The following TMTC2 variants were observed in gnomAD, a reference collection of about 807,000 sequenced individuals.
TMTC2 encodes the protein transmembrane O-mannosyltransferase targeting cadherins 2, also known as protein O-mannosyl-transferase TMTC2.
In TMTC2, 43 loss-of-function variants were observed where a neutral mutation model predicts 82.4. The ratio of observed to expected loss-of-function variants is 0.52; its 90% CI spans 0.41 to 0.67. TMTC2 has a LOEUF of 0.67. TMTC2 is among the 30% of genes least tolerant of loss of function. TMTC2 has a pLI of 0.00. For missense variants in TMTC2, 919 were observed against 1,012.4 expected (o/e 0.91, Z 1.25); for synonymous variants, 408 against 381.9 (o/e 1.07, Z -0.80).
chr12:83,001,131 T>A (rs1879902150), intron 8 of TMTC2, among the ~76,000 whole-genome samples: 1 of 152,164 alleles, frequency 6.6e-6, no homozygotes, highest in South Asian at 2.1e-4. Flanking sequence ...AAGACATTTT[T>A]CCCATTGTCT....
At chr12:83,108,313 A>G (rs1405458335) in intron 11 of TMTC2, among the ~76,000 whole-genome samples, 1 of 152,166 alleles carries the variant, frequency 6.6e-6, no homozygotes. Flanking sequence ...ATAGACACCA[A>G]GTAAAAATGT....
chr12:82,957,057 A>C (rs1432957097), intron 4 of TMTC2, among the ~76,000 whole-genome samples: 1 of 152,154 alleles, frequency 6.6e-6, no homozygotes, highest in Admixed American at 6.6e-5. Context: ...AGAATACGCT[A>C]CCAATAAACC....
intron 1 of TMTC2, among the ~76,000 whole-genome samples, chr12:82,704,212 G>A (rs1873233683): frequency 6.6e-6 from 1 of 152,116 alleles, no homozygotes; most frequent in Non-Finnish European, 1.5e-5. Flanking sequence ...TAAAAACTAA[G>A]CAGCATCTTA....
intron 8 of TMTC2, among the ~76,000 whole-genome samples, chr12:82,990,403 G>T (rs1396105466): frequency 6.6e-6 from 1 of 152,086 alleles, no homozygotes; most frequent in Non-Finnish European, 1.5e-5. Context: ...ATTTAGAAAA[G>T]TTCAAACGGA....
At chr12:82,755,978 G>A (rs929414004) in intron 1 of TMTC2, among the ~76,000 whole-genome samples, 9 of 152,142 alleles carry the variant, frequency 5.9e-5, no homozygotes, top group Non-Finnish European at 1.0e-4. Context: ...TCAGATGCCT[G>A]TGTCTAGTTT....
At chr12:83,097,297 T>C (rs1884061887) in intron 11 of TMTC2, among the ~76,000 whole-genome samples, 1 of 152,204 alleles carries the variant, frequency 6.6e-6, no homozygotes, top group Non-Finnish European at 1.5e-5. Flanking sequence ...TTCTCAAACA[T>C]ATGCACACAC....
At chr12:83,000,951 G>T (rs1029603510) in intron 8 of TMTC2, among the ~76,000 whole-genome samples, 4 of 152,180 alleles carry the variant, frequency 2.6e-5, no homozygotes, top group Non-Finnish European at 1.5e-5. Flanking sequence ...GCCTCCAGCT[G>T]TACCTTGGCT....
chr12:82,937,146 T>C (rs559992547), intron 4 of TMTC2, among the ~76,000 whole-genome samples: 3 of 152,196 alleles, frequency 2.0e-5, no homozygotes, highest in Non-Finnish European at 4.4e-5. Context: ...CTAGGACTGC[T>C]ATAATAAAAA....
At chr12:82,997,879 T>G (rs962458329) in intron 8 of TMTC2, among the ~76,000 whole-genome samples, 39 of 152,256 alleles carry the variant, frequency 2.6e-4, no homozygotes, top group Admixed American at 1.5e-3. Context: ...TCTGAAAGTC[T>G]TCTTTGTATT....
At position 83,103,135 on chromosome 12, in the gene TMTC2, G is replaced by T. The variant is rs183252190; in HGVS notation, c.2332-29075G>T. On this transcript the variant is annotated intron_variant, in intron 11 of 11. Transcript: ENST00000321196. ...ACTAGAGGTTGGGATCTAAGTGGTG[G>T]GTCACCTGTAGAAGTGACCTGAGGA... is the stretch of plus-strand genomic sequence containing the variant. Among the ~76,000 whole-genome samples, 37 of 152,276 alleles carry T rather than the reference G, an allele frequency of 2.4e-4. No individual in the cohort carries two copies. In the East Asian group the frequency reaches 4.2e-3, roughly 17 times the overall value.
At chr12:83,001,622 C>G (rs1212237858) in intron 8 of TMTC2, among the ~76,000 whole-genome samples, 1 of 86,460 alleles carries the variant, frequency 1.2e-5, no homozygotes, top group African/African-American at 4.7e-5. Context: ...GCAAAAAGAA[C>G]AAAACTCTGT....
chr12:82,843,538 G>C (rs1313649814), intron 1 of TMTC2, among the ~76,000 whole-genome samples: 1 of 152,212 alleles, frequency 6.6e-6, no homozygotes, highest in East Asian at 1.9e-4. Context: ...ACCTGTGAGG[G>C]ATAGATTGGC....
At chr12:82,741,564 C>T (rs150889890) in intron 1 of TMTC2, among the ~76,000 whole-genome samples, 2 of 152,200 alleles carry the variant, frequency 1.3e-5, no homozygotes, top group African/African-American at 4.8e-5. Context: ...CCACCTTAGC[C>T]TCCCAAAGTG....
chr12:82,833,563 C>T (rs1869866659), intron 1 of TMTC2, among the ~76,000 whole-genome samples: 1 of 152,142 alleles, frequency 6.6e-6, no homozygotes, highest in Non-Finnish European at 1.5e-5. Flanking sequence ...GATTCATGCT[C>T]ACAAAATGTG....
intron 1 of TMTC2, among the ~76,000 whole-genome samples, chr12:82,785,707 G>C (rs1878146670): frequency 6.6e-6 from 1 of 152,036 alleles, no homozygotes; most frequent in Non-Finnish European, 1.5e-5. Context: ...TAAAATGGCA[G>C]TCTTTCACTG....
chr12:82,942,814 T>TA (rs1876790726), intron 4 of TMTC2, among the ~76,000 whole-genome samples: 1 of 152,084 alleles, frequency 6.6e-6, no homozygotes, highest in South Asian at 2.1e-4. Context: ...AAGCTAGAGT[T>TA]AAAATACATC....
intron 2 of TMTC2, among the ~76,000 whole-genome samples, chr12:82,864,094 G>A (rs771009194): frequency 6.6e-6 from 1 of 152,094 alleles, no homozygotes; most frequent in Non-Finnish European, 1.5e-5. Context: ...ATTACACAGA[G>A]GAAAACTCAC....
chr12:83,006,640 A>T (rs2137378215), intron 8 of TMTC2, among the ~76,000 whole-genome samples: 1 of 152,344 alleles, frequency 6.6e-6, no homozygotes, highest in South Asian at 2.1e-4. Context: ...TGCTATAAAG[A>T]CACATGCACA....
intron 11 of TMTC2, among the ~76,000 whole-genome samples, chr12:83,120,053 G>A (rs1217445647): frequency 6.6e-6 from 1 of 152,196 alleles, no homozygotes; most frequent in East Asian, 1.9e-4. Context: ...CTTGAAGACA[G>A]CAGATAGTTG....
Sources: allele counts gnomAD v4.1 joint callset (sites outside exome capture counted in the v4.1 genomes callset), GRCh38; gene constraint gnomAD v4.1.1; transcripts MANE v1.5; gene names NCBI Gene and HGNC (gene_info 2026-07-23, HGNC 2026-07-21).